Variants in NRIP1 observed in about 807,000 individuals in gnomAD.
NRIP1 encodes the protein nuclear receptor-interacting protein 1.
NRIP1 carries 28 observed loss-of-function variants against 75.0 expected under a neutral mutation model. The ratio of observed to expected loss-of-function variants is 0.37; its 90% CI spans 0.28 to 0.51. The LOEUF (loss-of-function observed/expected upper bound fraction) is 0.51, where lower values mean the gene tolerates loss of function less well. NRIP1 is among the 20% of genes least tolerant of loss of function. The pLI, the probability that NRIP1 is intolerant of heterozygous loss-of-function variation, is 0.92. For synonymous variants in NRIP1, 526 were observed against 487.6 expected (o/e 1.08, Z -1.04); for missense variants, 1,435 against 1,343.7 (o/e 1.07, Z -1.06).
At chr21:15,004,719 T>C (rs920407918) in intron 3 of NRIP1, among the ~76,000 whole-genome samples, 7 of 152,178 alleles carry the variant, frequency 4.6e-5, no homozygotes, top group African/African-American at 1.7e-4. Flanking sequence ...TTTTTTTCCA[T>C]AGAAAAAAGA....
At chr21:15,037,633 G>A (rs968261094) in intron 2 of NRIP1, among the ~76,000 whole-genome samples, 2 of 151,762 alleles carry the variant, frequency 1.3e-5, no homozygotes, top group African/African-American at 4.8e-5. Flanking sequence ...CAGGATGGAT[G>A]GCCTTTTGGT....
intron 3 of NRIP1, among the ~76,000 whole-genome samples, chr21:15,000,410 T>C (rs2087824613): frequency 6.6e-6 from 1 of 152,142 alleles, no homozygotes; most frequent in South Asian, 2.1e-4. Flanking sequence ...TGTGGATACT[T>C]TGGTAAACAA....
At chr21:15,054,365 T>C (rs1056192272) in intron 1 of NRIP1, among the ~76,000 whole-genome samples, 1 of 151,880 alleles carries the variant, frequency 6.6e-6, no homozygotes, top group African/African-American at 2.4e-5. Flanking sequence ...AATATTTGTA[T>C]TCATTTCCTT....
At chr21:14,983,563 C>T (rs1015175702) in intron 3 of NRIP1, among the ~76,000 whole-genome samples, 1 of 152,160 alleles carries the variant, frequency 6.6e-6, no homozygotes, top group African/African-American at 2.4e-5. Context: ...AAGGTGGTTA[C>T]ACTAAACAAC....
intron 2 of NRIP1, among the ~76,000 whole-genome samples, chr21:15,032,595 T>C (rs141775529): frequency 1.4e-4 from 21 of 152,296 alleles, no homozygotes; most frequent in African/African-American, 4.8e-4. Flanking sequence ...CTTAAAGTTA[T>C]TCTGTTGGTA....
intron 2 of NRIP1, among the ~76,000 whole-genome samples, chr21:15,023,731 T>C (rs1241676393): frequency 6.6e-6 from 1 of 152,138 alleles, no homozygotes; most frequent in East Asian, 1.9e-4. Flanking sequence ...CAAAAGCCCA[T>C]GAAAGAGAAA....
chr21:14,999,491 G>A lies in NRIP1; in HGVS notation c.-335+14853C>T, dbSNP rs555382909. Among the ~76,000 whole-genome samples the A allele has an allele frequency of 1.7e-4, 26 of 151,990 alleles. No individual in the cohort carries two copies. The South Asian group carries it at 1.9e-3, about 11-fold the overall frequency. ...GGAATAAAATTTGGCTAATATAAAC[G>A]TAACAATTATTATTTCAGAAGCATA... On this transcript the variant is annotated intron_variant, in intron 3 of 3. Transcript: ENST00000318948.
intron 3 of NRIP1, among the ~76,000 whole-genome samples, chr21:14,984,367 G>GTT (rs544247644): frequency 4.3e-4 from 60 of 139,168 alleles, no homozygotes; most frequent in East Asian, 1.5e-3. Flanking sequence ...GTTGTTGCGG[G>GTT]TTTTTTTTTT....
chr21:15,034,295 A>G (rs2088781094), intron 2 of NRIP1, among the ~76,000 whole-genome samples: 1 of 152,174 alleles, frequency 6.6e-6, no homozygotes, highest in Admixed American at 6.5e-5. Context: ...TAAAAATTCA[A>G]ATAGTAGTTA....
chr21:15,047,195 C>T (rs1264387820), intron 1 of NRIP1, among the ~76,000 whole-genome samples: 2 of 152,072 alleles, frequency 1.3e-5, no homozygotes, highest in Non-Finnish European at 2.9e-5. Context: ...GCACCTTCTT[C>T]ACAAGGCAGC....
intron 3 of NRIP1, among the ~76,000 whole-genome samples, chr21:15,010,533 A>C (rs1757932472): frequency 6.6e-6 from 1 of 152,264 alleles, no homozygotes; most frequent in African/African-American, 2.4e-5. Context: ...AAAAGACTTA[A>C]GGAAAAGTCA....
chr21:14,982,764 G>A (rs2087281693), intron 3 of NRIP1, among the ~76,000 whole-genome samples: 1 of 150,060 alleles, frequency 6.7e-6, no homozygotes, highest in African/African-American at 2.5e-5. Context: ...TTCTGTTGAG[G>A]AAGTCTATTG....
At chr21:15,053,661 A>G (rs1004381733) in intron 1 of NRIP1, among the ~76,000 whole-genome samples, 8 of 152,228 alleles carry the variant, frequency 5.3e-5, no homozygotes, top group Non-Finnish European at 7.3e-5. Flanking sequence ...AGGAAAGCAC[A>G]CAGTAGAACA....
In NRIP1 at chr21:14,981,609, A is replaced by G. The variant is rs534615829; in HGVS notation, c.-334-13083T>C. Among the ~76,000 whole-genome samples the G allele has an allele frequency of 2.7e-5, 4 of 148,700 alleles. No homozygotes were observed. In the South Asian group the frequency reaches 8.3e-4, roughly 31 times the overall value. ...GTGGGTCAGGGCTTTTGTGATTTCA[A>G]TTGTTGGACCAAAAATGTTTCAGAA... is the stretch of plus-strand genomic sequence containing the variant. On this transcript the variant is annotated intron_variant, in intron 3 of 3. Transcript: ENST00000318948.
chr21:14,968,575 C>T (rs541939158), intron 3 of NRIP1, 49 bp from the exon 4 acceptor site: 154 of 174,714 alleles, frequency 8.8e-4, no homozygotes, highest in African/African-American at 3.5e-3. Flanking sequence ...ACTAGAATCA[C>T]GTTATGATAC....
rs779433390 is a variant in NRIP1 at position 14,966,216 on chromosome 21, T to C, written c.1977A>G (p.Thr659=). Residue 659 remains threonine (T), a synonymous_variant, in exon 4 of 4, where the codon ACA becomes ACG. Coordinates refer to ENST00000318948, the MANE Select transcript of NRIP1 (RefSeq NM_003489.4). ...RPSKQLLTGN[T]DKPIGMIDRL... ...TATCAATCATACCTATCGGTTTATC[T>C]GTGTTTCCAGTTAACAGCTGTTTGC... 1 of 1,613,974 alleles carries C rather than the reference T, an allele frequency of 6.2e-7. No individual in the cohort carries two copies. Among genetic ancestry groups the C allele is most frequent in the South Asian group, 1.1e-5 (1 of 91,068 alleles).
rs530055929 is a variant in NRIP1, at chr21:15,037,239, CAT to C, written c.-458+6254_-458+6255del. Among the ~76,000 whole-genome samples, 719 of 152,304 alleles carry C rather than the reference CAT, an allele frequency of 4.7e-3. 2 individuals are homozygous for C. The highest frequency in any genetic ancestry group is 8.0e-3 in the Non-Finnish European group (544 of 68,006). ...TTGCAACCTGTAAATTTCTAACACA[CAT>C]GATATCATTTCAAGTCTTCATACAA... is the stretch of plus-strand genomic sequence containing the variant. On this transcript the variant is annotated intron_variant, in intron 2 of 3. Coordinates refer to ENST00000318948, the MANE Select transcript of NRIP1 (RefSeq NM_003489.4).
At chr21:14,994,632 T>G (rs189766956) in intron 3 of NRIP1, among the ~76,000 whole-genome samples, 1 of 152,196 alleles carries the variant, frequency 6.6e-6, no homozygotes, top group Non-Finnish European at 1.5e-5. Flanking sequence ...GTGAAAAACA[T>G]TGTTGTCAAC....
At chr21:15,039,226 C>T (rs1423117814) in intron 2 of NRIP1, among the ~76,000 whole-genome samples, 2 of 152,026 alleles carry the variant, frequency 1.3e-5, no homozygotes, top group African/African-American at 2.4e-5. Flanking sequence ...AACAAGAGTA[C>T]CAATTTCATT....
Sources: gnomAD v4.1 joint callset for allele counts (sites outside exome capture counted in the v4.1 genomes callset) on GRCh38, gnomAD v4.1.1 for gene constraint, MANE v1.5 for transcripts, NCBI Gene and HGNC (gene_info 2026-07-23, HGNC 2026-07-21) for gene names.